The following ABCC9 variants were observed in gnomAD, a reference collection of about 807,000 sequenced individuals.
ABCC9 encodes the protein ATP-binding cassette sub-family C member 9.
A neutral mutation model predicts 188.3 loss-of-function variants in ABCC9; 95 were observed. The observed-to-expected ratio is 0.50, with a 90% CI of 0.43 to 0.60. The LOEUF (loss-of-function observed/expected upper bound fraction) is 0.60, where lower values mean the gene tolerates loss of function less well. ABCC9 is among the 20% of genes least tolerant of loss of function. The pLI is 0.00. For missense variants in ABCC9, 1,102 were observed against 1,876.3 expected (o/e 0.59, Z 7.62); for synonymous variants, 659 against 652.7 (o/e 1.01, Z -0.15).
At chr12:21,867,029 A>T (rs905156506) in intron 18 of ABCC9, among the ~76,000 whole-genome samples, 2 of 152,154 alleles carry the variant, frequency 1.3e-5, no homozygotes, top group Admixed American at 6.5e-5. Flanking sequence ...CACATAGGGG[A>T]TCTTCACTTC....
chr12:21,817,620 C>T (rs1173693732), intron 32 of ABCC9, among the ~76,000 whole-genome samples: 1 of 151,938 alleles, frequency 6.6e-6, no homozygotes, highest in Non-Finnish European at 1.5e-5. Context: ...TAGGCTAGTC[C>T]CCAGCTGGGT....
intron 15 of ABCC9, among the ~76,000 whole-genome samples, chr12:21,885,891 T>C (rs1242512866): frequency 2.6e-5 from 4 of 152,172 alleles, no homozygotes; most frequent in African/African-American, 9.6e-5. Flanking sequence ...TTTAAAAATA[T>C]ATAATATAGA....
At chr12:21,898,562 A>G (rs1343760978) in intron 12 of ABCC9, among the ~76,000 whole-genome samples, 1 of 152,244 alleles carries the variant, frequency 6.6e-6, no homozygotes, top group Non-Finnish European at 1.5e-5. Context: ...ATCTATTTCA[A>G]AAAAGAAATG....
chr12:21,890,658 A>G (rs1947110358), intron 14 of ABCC9, among the ~76,000 whole-genome samples: 1 of 152,190 alleles, frequency 6.6e-6, no homozygotes, highest in Non-Finnish European at 1.5e-5. Context: ...TGATGAGTTC[A>G]TGTCCTTTGT....
At chr12:21,936,261 G>T (rs1368296706) in intron 3 of ABCC9, among the ~76,000 whole-genome samples, 2 of 152,062 alleles carry the variant, frequency 1.3e-5, no homozygotes, top group African/African-American at 4.8e-5. Context: ...TAATGCTGTA[G>T]ATCTATCTCA....
chr12:21,875,674 A>G lies in ABCC9; in HGVS notation c.2072T>C (p.Ile691Thr), dbSNP rs766197122. The G allele has an allele frequency of 2.5e-6, 4 of 1,612,206 alleles. No individual in the cohort carries two copies. Among genetic ancestry groups the G allele is most frequent in the Non-Finnish European group, 3.4e-6 (4 of 1,178,408 alleles). The change falls in exon 17 of 40, where the codon ATA becomes ACA. Residue 691 changes from isoleucine (I) to threonine (T), a missense_variant. Physicochemically the swap from Ile to Thr is moderately conservative, Grantham distance 89. This residue lies in a region of ABCC9 where 258 missense variants were observed against 325.6 expected (regional missense o/e 0.79). Transcript: ENST00000261200. ...WGSGLATLSNIDIRIPTGQLT... is the reference protein window; with the variant it reads ...WGSGLATLSNTDIRIPTGQLT... ...CTTACCTGTTGGAATTCGAATATCT[A>G]TATTGGATAATGTAGCTAAACCACT...
chr12:21,817,262 C>G lies in ABCC9; in HGVS notation c.3817G>C (p.Glu1273Gln). Residue 1273 changes from glutamate (E) to glutamine (Q), a missense_variant, in exon 33 of 40, where the codon GAG becomes CAG. By Grantham distance (29) the Glu-to-Gln change is conservative. This residue lies in a region of ABCC9 where 143 missense variants were observed against 225.6 expected (regional missense o/e 0.63). Transcript: ENST00000261200. ...NWVVRNLADLEVQMGAVKKVN... is the reference protein window; with the variant it reads ...NWVVRNLADLQVQMGAVKKVN... ...TTCTTCACTGCACCCATCTGGACCT[C>G]CAGGTCAGCCAAGTTCCTCACAACC... 6.2e-7 allele frequency: 1 copy of G among 1,613,808 alleles called. No individual in the cohort carries two copies.
chr12:21,904,756 G>A (rs1004930556), intron 12 of ABCC9, among the ~76,000 whole-genome samples: 5 of 152,156 alleles, frequency 3.3e-5, no homozygotes, highest in African/African-American at 7.2e-5. Flanking sequence ...TTAGAATGGC[G>A]ATCATTAAAA....
At chr12:21,918,945 T>C (rs1295736591) in intron 5 of ABCC9, among the ~76,000 whole-genome samples, 1 of 152,090 alleles carries the variant, frequency 6.6e-6, no homozygotes, top group Non-Finnish European at 1.5e-5. Context: ...AACACATTAC[T>C]AATAATCCAC....
At chr12:21,838,761 C>T (rs888787322) in intron 29 of ABCC9, among the ~76,000 whole-genome samples, 6 of 152,102 alleles carry the variant, frequency 3.9e-5, no homozygotes, top group African/African-American at 1.4e-4. Flanking sequence ...TGGCCAGGTG[C>T]GGTGGCTCAT....
At chr12:21,890,050 A>G (rs1052560204) in intron 14 of ABCC9, among the ~76,000 whole-genome samples, 5 of 152,154 alleles carry the variant, frequency 3.3e-5, no homozygotes, top group African/African-American at 1.2e-4. Flanking sequence ...TGCCTAAAAT[A>G]TAGCATGGTA....
intron 31 of ABCC9, among the ~76,000 whole-genome samples, chr12:21,825,999 A>G (rs1873638): frequency 0.21 from 31,543 of 151,990 alleles, 3,519 homozygotes; most frequent in Middle Eastern, 0.33. Flanking sequence ...GTTTTCTCCC[A>G]TTTCCATTAT....
chr12:21,939,323 A>C (rs926032394), intron 2 of ABCC9, among the ~76,000 whole-genome samples: 5 of 152,190 alleles, frequency 3.3e-5, no homozygotes, highest in Non-Finnish European at 5.9e-5. Context: ...TCCAACATCC[A>C]GAGTCCATGT....
chr12:21,805,026 T>C, intron 39 of ABCC9: 2 of 1,152,002 alleles, frequency 1.7e-6, no homozygotes, highest in Non-Finnish European at 2.6e-6. Flanking sequence ...AAGCACTTGG[T>C]TGAGCTGATT....
intron 6 of ABCC9, 125 bp downstream of exon 6, chr12:21,916,812 A>T: frequency 4.9e-6 from 4 of 809,562 alleles, no homozygotes; most frequent in Non-Finnish European, 7.2e-6. Context: ...TCAACTTTAT[A>T]TTTATATATA....
At chr12:21,879,608 C>T (rs74067832) in intron 16 of ABCC9, among the ~76,000 whole-genome samples, 7,487 of 152,096 alleles carry the variant, frequency 0.049, 337 homozygotes, top group African/African-American at 0.12. Context: ...AAGTGAATTT[C>T]ACCTCAATGA....
rs751402564 is a variant in ABCC9 at position 21,818,193 on chromosome 12, G to A, written c.3728C>T (p.Ser1243Leu). 1.9e-6 allele frequency: 3 copies of A among 1,613,840 alleles called. No homozygotes were observed. The highest frequency in any genetic ancestry group is 1.1e-5 in the South Asian group (1 of 91,084). Residue 1243 changes from serine (S) to leucine (L), a missense_variant, in exon 32 of 40, where the codon TCG becomes TTG. Physicochemically the swap from Ser to Leu is moderately radical, Grantham distance 145 (BLOSUM62 -2). Transcript: ENST00000261200. ...TASIASISGS[S>L]NSGLVGLGLL... ...ACCCAAGCCTACCAATCCAGAATTCGAAGACCCACTAATGGATGCTATAGA... is the reference window on the plus strand; with the variant it reads ...ACCCAAGCCTACCAATCCAGAATTCAAAGACCCACTAATGGATGCTATAGA...
intron 18 of ABCC9, among the ~76,000 whole-genome samples, chr12:21,871,411 A>G (rs1166226292): frequency 6.6e-6 from 1 of 152,188 alleles, no homozygotes; most frequent in Non-Finnish European, 1.5e-5. Context: ...TGTACACTCA[A>G]CAATTCTCAG....
chr12:21,929,370 T>C (rs2138027820), intron 4 of ABCC9, among the ~76,000 whole-genome samples: 1 of 151,358 alleles, frequency 6.6e-6, no homozygotes, highest in South Asian at 2.1e-4. Flanking sequence ...CCTAGGAGAG[T>C]AAACCGGAAT....
Sources: gnomAD v4.1 joint callset for allele counts (sites outside exome capture counted in the v4.1 genomes callset) on GRCh38, gnomAD v4.1.1 for gene constraint, gnomAD v4.1.1 regional missense constraint, MANE v1.5 for transcripts, NCBI Gene and HGNC (gene_info 2026-07-23, HGNC 2026-07-21) for gene names.